The following NR3C2 variants were observed in gnomAD, a reference collection of about 807,000 sequenced individuals.
The protein encoded by NR3C2 is mineralocorticoid receptor.
Under a neutral mutation model 86.4 loss-of-function variants are expected in NR3C2, and 15 were observed. The ratio of observed to expected loss-of-function variants is 0.17; its 90% CI spans 0.12 to 0.27. The LOEUF is 0.27. Ranked by LOEUF, NR3C2 falls within the 10% of genes least tolerant of loss-of-function variation. NR3C2 has a pLI of 1.00. For synonymous variants in NR3C2, 458 were observed against 450.5 expected (o/e 1.02, Z -0.21); for missense variants, 960 against 1,195.6 (o/e 0.80, Z 2.91).
chr4:148,349,860 T>C (rs1388102646), intron 2 of NR3C2, among the ~76,000 whole-genome samples: 1 of 152,078 alleles, frequency 6.6e-6, no homozygotes, highest in Non-Finnish European at 1.5e-5. Context: ...CAAATAACAC[T>C]ACAGTTTACC....
At chr4:148,118,170 G>C (rs955221310) in intron 7 of NR3C2, among the ~76,000 whole-genome samples, 4 of 152,128 alleles carry the variant, frequency 2.6e-5, no homozygotes, top group Non-Finnish European at 4.4e-5. Flanking sequence ...AGCTAATCCT[G>C]TCCTCTGTTG....
At chr4:148,332,446 A>G (rs918592560) in intron 2 of NR3C2, among the ~76,000 whole-genome samples, 4 of 152,306 alleles carry the variant, frequency 2.6e-5, no homozygotes, top group East Asian at 3.9e-4. Flanking sequence ...TACTTAGACA[A>G]TATCTCTATG....
chr4:148,367,000 T>C (rs1434634574), intron 2 of NR3C2, among the ~76,000 whole-genome samples: 1 of 152,190 alleles, frequency 6.6e-6, no homozygotes, highest in Admixed American at 6.5e-5. Flanking sequence ...GCCTGTATAC[T>C]ATTTTAATAA....
intron 4 of NR3C2, among the ~76,000 whole-genome samples, chr4:148,179,234 A>AG (rs1057085247): frequency 9.2e-5 from 14 of 151,782 alleles, no homozygotes; most frequent in African/African-American, 3.4e-4. Context: ...CTGTGTATTG[A>AG]GGATGCTACT....
At chr4:148,215,843 G>A (rs566534682) in intron 3 of NR3C2, among the ~76,000 whole-genome samples, 15 of 145,128 alleles carry the variant, frequency 1.0e-4, no homozygotes, top group Admixed American at 7.8e-4. Context: ...GCAGTGGCTC[G>A]ATCTCAGCTC....
At chr4:148,391,866 C>CAAAAAAAAAA (rs11384324) in intron 2 of NR3C2, among the ~76,000 whole-genome samples, 1 of 111,720 alleles carries the variant, frequency 9.0e-6, no homozygotes, top group Non-Finnish European at 1.8e-5. Context: ...GACTCCATTG[C>CAAAAAAAAAA]AAAAAAAAAA....
chr4:148,270,016 A>C (rs147550346), intron 2 of NR3C2, among the ~76,000 whole-genome samples: 29 of 152,158 alleles, frequency 1.9e-4, no homozygotes, highest in African/African-American at 6.5e-4. Context: ...CTGAGGACTG[A>C]TGGGTACCGG....
chr4:148,187,000 A>ATATG (rs1735944414), intron 4 of NR3C2, among the ~76,000 whole-genome samples: 1 of 14,468 alleles, frequency 6.9e-5, no homozygotes, highest in Non-Finnish European at 1.0e-4. Context: ...ATGTATGTAT[A>ATATG]TATATATATA....
intron 2 of NR3C2, among the ~76,000 whole-genome samples, chr4:148,400,950 T>G (rs1748130810): frequency 6.6e-6 from 1 of 152,222 alleles, no homozygotes; most frequent in African/African-American, 2.4e-5. Context: ...TTATATTGTA[T>G]ACATTTAATG....
chr4:148,401,463 T>C (rs868542795), intron 2 of NR3C2, among the ~76,000 whole-genome samples: 6 of 121,014 alleles, frequency 5.0e-5, no homozygotes, highest in South Asian at 2.5e-4. Context: ...AGTTGTCTCT[T>C]TTTTTTTTTT....
intron 3 of NR3C2, among the ~76,000 whole-genome samples, chr4:148,204,181 C>T (rs935819424): frequency 1.3e-5 from 2 of 151,984 alleles, no homozygotes; most frequent in Non-Finnish European, 2.9e-5. Flanking sequence ...ATGACAAAAT[C>T]CAAGTGATGT....
chr4:148,279,157 C>G (rs13138913), intron 2 of NR3C2, among the ~76,000 whole-genome samples: 29,726 of 151,964 alleles, frequency 0.2, 3,776 homozygotes, highest in East Asian at 0.47. Flanking sequence ...TTCAAGACTC[C>G]GTCTCAATAA....
At chr4:148,416,809 C>G (rs1204199006) in intron 2 of NR3C2, among the ~76,000 whole-genome samples, 1 of 151,404 alleles carries the variant, frequency 6.6e-6, no homozygotes, top group Non-Finnish European at 1.5e-5. Flanking sequence ...AAGTTTTGCT[C>G]TTGTTGCCCA....
At chr4:148,400,058 A>G (rs562615799) in intron 2 of NR3C2, among the ~76,000 whole-genome samples, 11 of 152,352 alleles carry the variant, frequency 7.2e-5, no homozygotes, top group Non-Finnish European at 1.5e-4. Flanking sequence ...AAAACGTTTT[A>G]TGTCTCTCTG....
intron 7 of NR3C2, among the ~76,000 whole-genome samples, chr4:148,117,304 G>T (rs922876436): frequency 3.3e-5 from 5 of 152,126 alleles, no homozygotes; most frequent in African/African-American, 1.2e-4. Context: ...TGAACTGCTG[G>T]CCCCACCTCC....
At chr4:148,114,861 C>T (rs1175190748) in intron 7 of NR3C2, among the ~76,000 whole-genome samples, 11 of 152,304 alleles carry the variant, frequency 7.2e-5, no homozygotes, top group East Asian at 5.8e-4. Flanking sequence ...TGGCCATCTA[C>T]GAAGGGGAGG....
intron 2 of NR3C2, among the ~76,000 whole-genome samples, chr4:148,361,705 G>C (rs1009732949): frequency 1.3e-5 from 2 of 152,134 alleles, no homozygotes; most frequent in Non-Finnish European, 2.9e-5. Flanking sequence ...ACAGCCTTCA[G>C]GGTCCTCCCT....
chr4:148,112,420 C>T (rs112090164), intron 8 of NR3C2, among the ~76,000 whole-genome samples: 4,190 of 152,246 alleles, frequency 0.028, 188 homozygotes, highest in African/African-American at 0.094. Flanking sequence ...AATTAACAGA[C>T]GAAAGTAAAT....
At chr4:148,271,713 A>T (rs1740695163) in intron 2 of NR3C2, among the ~76,000 whole-genome samples, 1 of 152,162 alleles carries the variant, frequency 6.6e-6, no homozygotes. Flanking sequence ...CTTTGAGAAA[A>T]AAACTATCAC....
Sources: allele counts gnomAD v4.1 joint callset (sites outside exome capture counted in the v4.1 genomes callset), GRCh38; gene constraint gnomAD v4.1.1; transcripts MANE v1.5; gene names NCBI Gene and HGNC (gene_info 2026-07-23, HGNC 2026-07-21).